The following HS6ST3 variants were observed in gnomAD, a reference collection of about 807,000 sequenced individuals.
HS6ST3 encodes the protein heparan-sulfate 6-O-sulfotransferase 3.
HS6ST3 carries 12 observed loss-of-function variants against 36.7 expected under a neutral mutation model. That is an observed-to-expected ratio of 0.33 (90% CI 0.21 to 0.53). HS6ST3 has a LOEUF of 0.53. Ranked by LOEUF, HS6ST3 falls within the 20% of genes least tolerant of loss-of-function variation. HS6ST3 has a pLI of 0.95. For missense variants in HS6ST3, 584 were observed against 640.9 expected, an observed-to-expected ratio of 0.91 and a Z score of 0.96; for synonymous variants, 240 against 257.5, an observed-to-expected ratio of 0.93 and a Z score of 0.65.
At chr13:96,327,321 T>A in intron 1 of HS6ST3, among the ~76,000 whole-genome samples, 1 of 152,026 alleles carries the variant, frequency 6.6e-6, no homozygotes, top group East Asian at 1.9e-4. Flanking sequence ...AGGACTAACG[T>A]TTAAGTCTTT....
At chr13:96,725,478 T>A (rs942756361) in intron 1 of HS6ST3, among the ~76,000 whole-genome samples, 1 of 152,224 alleles carries the variant, frequency 6.6e-6, no homozygotes, top group Non-Finnish European at 1.5e-5. Context: ...CCTGTGCTTT[T>A]TTTCTACGTT....
At chr13:96,659,819 T>G (rs1346516719) in intron 1 of HS6ST3, among the ~76,000 whole-genome samples, 4 of 152,152 alleles carry the variant, frequency 2.6e-5, no homozygotes, top group Non-Finnish European at 4.4e-5. Context: ...TGTGTACATC[T>G]ATTTCTGGAC....
intron 1 of HS6ST3, among the ~76,000 whole-genome samples, chr13:96,650,968 C>T (rs544092627): frequency 6.6e-6 from 1 of 152,110 alleles, no homozygotes; most frequent in Non-Finnish European, 1.5e-5. Flanking sequence ...CTCTCTAATC[C>T]ATTCTTTTTC....
chr13:96,393,043 T>C (rs1249826737), intron 1 of HS6ST3, among the ~76,000 whole-genome samples: 1 of 152,158 alleles, frequency 6.6e-6, no homozygotes, highest in Non-Finnish European at 1.5e-5. Flanking sequence ...TCCATGATAG[T>C]AACTACATCT....
chr13:96,123,129 T>C (rs1019445633), intron 1 of HS6ST3, among the ~76,000 whole-genome samples: 12 of 152,304 alleles, frequency 7.9e-5, no homozygotes, highest in African/African-American at 2.9e-4. Context: ...GAACTTACTA[T>C]CCATATTTAA....
At chr13:96,254,023 A>G (rs1455076308) in intron 1 of HS6ST3, among the ~76,000 whole-genome samples, 2 of 152,176 alleles carry the variant, frequency 1.3e-5, no homozygotes, top group Non-Finnish European at 2.9e-5. Flanking sequence ...AAGGGTAAGT[A>G]TTATCCTTAA....
chr13:96,360,979 A>G (rs1400600939), intron 1 of HS6ST3, among the ~76,000 whole-genome samples: 1 of 152,006 alleles, frequency 6.6e-6, no homozygotes, highest in African/African-American at 2.4e-5. Context: ...GAGGAGGCAA[A>G]AGGGCATTTT....
intron 1 of HS6ST3, among the ~76,000 whole-genome samples, chr13:96,267,154 T>C (rs2054696456): frequency 6.6e-6 from 1 of 152,200 alleles, no homozygotes; most frequent in Non-Finnish European, 1.5e-5. Flanking sequence ...CCTGCCACCA[T>C]GTAAGATGTG....
rs187166740 is a variant in HS6ST3, at chr13:96,279,179, C to T, written c.707+187610C>T. ...CAGAAAAGGAAGAAAGCTTGAATAG[C>T]CAAAGTTCACACAGATGGTGAATGT... On this transcript the variant is annotated intron_variant, in intron 1 of 1. Coordinates refer to ENST00000376705, the MANE Select transcript of HS6ST3 (RefSeq NM_153456.4). 2.0e-5 allele frequency among the ~76,000 whole-genome samples: 3 copies of T among 152,154 alleles called. No individual in the cohort carries two copies. In the East Asian group the frequency reaches 5.8e-4, roughly 29 times the overall value.
chr13:96,500,979 GCTCT>G (rs144806272), intron 1 of HS6ST3, among the ~76,000 whole-genome samples: 6 of 151,562 alleles, frequency 4.0e-5, no homozygotes, highest in South Asian at 4.2e-4. Flanking sequence ...GCAATCTCAA[GCTCT>G]CTCTCTCTCT....
chr13:96,196,195 G>A (rs901786262), intron 1 of HS6ST3, among the ~76,000 whole-genome samples: 2 of 152,092 alleles, frequency 1.3e-5, no homozygotes, highest in South Asian at 4.1e-4. Flanking sequence ...GGCAGCCACC[G>A]CTGGTAGCCC....
chr13:96,349,615 G>C (rs1379114157), intron 1 of HS6ST3, among the ~76,000 whole-genome samples: 1 of 152,128 alleles, frequency 6.6e-6, no homozygotes, highest in Non-Finnish European at 1.5e-5. Context: ...GTTTTAGCTT[G>C]CCAGTGATGT....
At chr13:96,703,998 AG>A (rs1156681286) in intron 1 of HS6ST3, among the ~76,000 whole-genome samples, 5 of 152,176 alleles carry the variant, frequency 3.3e-5, no homozygotes, top group African/African-American at 9.7e-5. Flanking sequence ...AAGTTTCCTG[AG>A]GCCTCCCCAG....
intron 1 of HS6ST3, among the ~76,000 whole-genome samples, chr13:96,399,846 A>G (rs1419909885): frequency 6.6e-6 from 1 of 152,260 alleles, no homozygotes; most frequent in African/African-American, 2.4e-5. Context: ...ATTAGTTGTC[A>G]CCAACTCATA....
chr13:96,588,786 A>G (rs1202468379), intron 1 of HS6ST3, among the ~76,000 whole-genome samples: 2 of 152,036 alleles, frequency 1.3e-5, no homozygotes, highest in Non-Finnish European at 1.5e-5. Flanking sequence ...ATGGTGGCTC[A>G]TGCCTGTAAT....
At chr13:96,162,215 C>T (rs773297154) in intron 1 of HS6ST3, among the ~76,000 whole-genome samples, 52 of 152,192 alleles carry the variant, frequency 3.4e-4, no homozygotes, top group African/African-American at 1.1e-3. Flanking sequence ...ACGTGGTAGA[C>T]GGATTCATAA....
chr13:96,283,707 C>A (rs2054786535), intron 1 of HS6ST3, among the ~76,000 whole-genome samples: 1 of 152,076 alleles, frequency 6.6e-6, no homozygotes, highest in African/African-American at 2.4e-5. Flanking sequence ...TTTTTTCCAA[C>A]AAAATTATGT....
chr13:96,690,397 A>G lies in HS6ST3; in HGVS notation c.708-142093A>G, dbSNP rs149146360. ...GATTGGTATTTTGAGTTTTCATAAC[A>G]AAAGCTTTTCTAGACACTATTGCAT... On this transcript the variant is annotated intron_variant, in intron 1 of 1. Transcript: ENST00000376705. Among the ~76,000 whole-genome samples, 829 of 152,260 alleles carry G rather than the reference A, an allele frequency of 5.4e-3. 4 individuals are homozygous for G. The highest frequency in any genetic ancestry group is 0.019 in the African/African-American group (784 of 41,572).
At chr13:96,777,199 A>G (rs74638624) in intron 1 of HS6ST3, among the ~76,000 whole-genome samples, 2 of 152,232 alleles carry the variant, frequency 1.3e-5, no homozygotes, top group African/African-American at 2.4e-5. Context: ...TCTCAAAACA[A>G]TAAGGGCTAT....
Sources: gnomAD v4.1 joint callset for allele counts (sites outside exome capture counted in the v4.1 genomes callset) on GRCh38, gnomAD v4.1.1 for gene constraint, MANE v1.5 for transcripts, NCBI Gene and HGNC (gene_info 2026-07-23, HGNC 2026-07-21) for gene names.